SLC43A2: variants seen among roughly 807,000 people sequenced by gnomAD.
SLC43A2 encodes solute carrier family 43 member 2, also known as large neutral amino acids transporter small subunit 4.
In SLC43A2, 38 loss-of-function variants were observed where a neutral mutation model predicts 63.2. The observed-to-expected ratio is 0.60, with a 90% CI of 0.46 to 0.79. The LOEUF (loss-of-function observed/expected upper bound fraction) is 0.79. Ranked by LOEUF, SLC43A2 falls within the 30% of genes least tolerant of loss-of-function variation. The pLI, the probability that SLC43A2 is intolerant of heterozygous loss-of-function variation, is 0.00. For missense variants in SLC43A2, 644 were observed against 756.2 expected (o/e 0.85, Z 1.74); for synonymous variants, 322 against 331.0 (o/e 0.97, Z 0.30).
intron 2 of SLC43A2, among the ~76,000 whole-genome samples, chr17:1,623,076 A>G (rs1444215505): frequency 1.3e-5 from 2 of 152,236 alleles, no homozygotes; most frequent in African/African-American, 4.8e-5. Context: ...ACTGCACTCC[A>G]GCCTGGGCGA....
In SLC43A2 at chr17:1,595,450, GT is replaced by G. The variant is rs530702250; in HGVS notation, c.502-2172del. Among the ~76,000 whole-genome samples, 40 of 148,444 alleles carry G rather than the reference GT, an allele frequency of 2.7e-4. 2 individuals are homozygous for G. In the East Asian group the frequency reaches 4.7e-3, roughly 18 times the overall value. On this transcript the variant is annotated intron_variant, in intron 5 of 13. Coordinates refer to ENST00000301335, the MANE Select transcript of SLC43A2 (RefSeq NM_152346.3). ...CCACGCCACCATGCCCCAGCTAGTG[GT>G]TTTTTTTTTGGAGGCAGGGTATCGC...
chr17:1,600,152 A>ATATATATATAT (rs1216616243), intron 5 of SLC43A2, among the ~76,000 whole-genome samples: 2 of 60,280 alleles, frequency 3.3e-5, no homozygotes, highest in Admixed American at 3.3e-4. Flanking sequence ...ATATATATAT[A>ATATATATATAT]TTTTTTTTTT....
intron 6 of SLC43A2, among the ~76,000 whole-genome samples, chr17:1,592,899 G>C (rs1356740700): frequency 6.6e-6 from 1 of 152,168 alleles, no homozygotes; most frequent in African/African-American, 2.4e-5. Context: ...GGAGACGGGG[G>C]CAAGACTCAC....
rs145932889 is a variant in SLC43A2, at chr17:1,581,643, G to A, written c.1350+1561C>T. Among the ~76,000 whole-genome samples, 436 of 152,234 alleles carry A rather than the reference G, an allele frequency of 2.9e-3. 5 individuals carry two copies. Among genetic ancestry groups the A allele is most frequent in the South Asian group, 8.9e-3 (43 of 4,820 alleles). On this transcript the variant is annotated intron_variant, in intron 11 of 13. Coordinates refer to ENST00000301335, the MANE Select transcript of SLC43A2 (RefSeq NM_152346.3). The stretch of plus-strand genomic sequence containing the variant: ...CTCTGGAAGGAAAAGCCACACTTGC[G>A]TCCCTCCACCATTTGTAAATTTAGG...
intron 5 of SLC43A2, among the ~76,000 whole-genome samples, chr17:1,597,922 G>A (rs1905476171): frequency 2.0e-5 from 3 of 152,248 alleles, no homozygotes; most frequent in Admixed American, 2.0e-4. Context: ...TTACTCTCTG[G>A]GTACCTGCCT....
chr17:1,590,452 A>G (rs920867572), intron 9 of SLC43A2, among the ~76,000 whole-genome samples: 2 of 151,616 alleles, frequency 1.3e-5, no homozygotes. Flanking sequence ...TTTGGGCTTG[A>G]CCTGCTGTCT....
chr17:1,595,391 C>G (rs930767863), intron 5 of SLC43A2, among the ~76,000 whole-genome samples: 1 of 121,522 alleles, frequency 8.2e-6, no homozygotes, highest in African/African-American at 2.8e-5. Flanking sequence ...AGTGATCTTC[C>G]CCCCCCAGCT....
intron 5 of SLC43A2, among the ~76,000 whole-genome samples, chr17:1,600,152 A>ATATATATATATATATATTTTTTTTT (rs1216616243): frequency 1.7e-5 from 1 of 60,272 alleles, no homozygotes; most frequent in Non-Finnish European, 3.2e-5. Flanking sequence ...ATATATATAT[A>ATATATATATATATATATTTTTTTTT]TTTTTTTTTT....
At chr17:1,592,883 G>A (rs988774686) in intron 6 of SLC43A2, among the ~76,000 whole-genome samples, 1 of 152,186 alleles carries the variant, frequency 6.6e-6, no homozygotes, top group Non-Finnish European at 1.5e-5. Flanking sequence ...AGACCAGGAT[G>A]ACGGAGGAGA....
At chr17:1,602,049 G>T (rs1288978325) in intron 5 of SLC43A2, among the ~76,000 whole-genome samples, 1 of 152,066 alleles carries the variant, frequency 6.6e-6, no homozygotes, top group Non-Finnish European at 1.5e-5. Context: ...ATGCAAAGGC[G>T]CTATTGAGCC....
intron 9 of SLC43A2, among the ~76,000 whole-genome samples, chr17:1,588,420 G>C (rs968082154): frequency 6.6e-6 from 1 of 151,854 alleles, no homozygotes; most frequent in Non-Finnish European, 1.5e-5. Context: ...GCTGGGCATT[G>C]TGGCTCATGC....
Position 1,574,233 on chromosome 17 carries a change from T to C in SLC43A2, c.*1371A>G, listed in dbSNP as rs1394670412. On this transcript the variant is annotated 3_prime_UTR_variant, in exon 14 of 14. Transcript: ENST00000301335. Reference sequence around the variant, plus strand: ...TTTGTTTGGGGGTTGGGGAGGAAGGTCTTTTCCTGGCCCACTGTCCCTCCC... The same window carrying C: ...TTTGTTTGGGGGTTGGGGAGGAAGGCCTTTTCCTGGCCCACTGTCCCTCCC... 6.6e-6 allele frequency: 1 copy of C among 152,384 alleles called. No homozygotes were observed. The highest frequency in any genetic ancestry group is 1.9e-4 in the East Asian group (1 of 5,184). The allele number at this position is 152,384 out of a possible 1,614,324, so 9.4% of individuals were successfully genotyped here. A position where few individuals can be genotyped will look rare whatever the true frequency, so the allele number is the denominator to read the frequency against.
intron 3 of SLC43A2, among the ~76,000 whole-genome samples, chr17:1,615,687 C>A (rs1449522266): frequency 2.0e-5 from 3 of 148,986 alleles, no homozygotes; most frequent in Non-Finnish European, 4.5e-5. Flanking sequence ...ACTAAAAATA[C>A]AAAAAATTAG....
chr17:1,602,466 T>C (rs926112937), intron 5 of SLC43A2, among the ~76,000 whole-genome samples: 2 of 151,916 alleles, frequency 1.3e-5, no homozygotes, highest in Non-Finnish European at 2.9e-5. Flanking sequence ...GCCAACATAG[T>C]GAAACCTCGT....
chr17:1,595,430 C>G (rs1423043231), intron 5 of SLC43A2, among the ~76,000 whole-genome samples: 2 of 152,050 alleles, frequency 1.3e-5, no homozygotes, highest in Non-Finnish European at 2.9e-5. Context: ...CAGGCCCACG[C>G]CACCATGCCC....
rs755506524 is a variant in SLC43A2 at position 1,583,359 on chromosome 17, G to A, written c.1218-23C>T. On this transcript the variant is annotated intron_variant, in intron 10 of 13. Coordinates refer to ENST00000301335, the MANE Select transcript of SLC43A2 (RefSeq NM_152346.3). The surrounding 1 kb of genome is among the most constrained non-coding windows in gnomAD (Gnocchi z 5.5). ...CCTCTGTGGAGACACAGAACGTGCA[G>A]GGGTGGGAGGGCTCCCCGGAGGAAG... is the stretch of plus-strand genomic sequence containing the variant. 36 of 1,610,574 alleles carry A rather than the reference G, an allele frequency of 2.2e-5. No individual in the cohort carries two copies. Among genetic ancestry groups the A allele is most frequent in the Non-Finnish European group, 3.1e-5 (36 of 1,177,208 alleles).
chr17:1,614,531 G>GA (rs1907416578), intron 4 of SLC43A2, among the ~76,000 whole-genome samples: 2 of 152,192 alleles, frequency 1.3e-5, no homozygotes, highest in Non-Finnish European at 2.9e-5. Context: ...AGATTTTGGT[G>GA]AAACTCGAGT....
chr17:1,622,448 C>T (rs1908249099), intron 2 of SLC43A2, among the ~76,000 whole-genome samples: 1 of 152,074 alleles, frequency 6.6e-6, no homozygotes, highest in Non-Finnish European at 1.5e-5. Flanking sequence ...GCCTGCAGTC[C>T]CAGCTACTGG....
intron 2 of SLC43A2, among the ~76,000 whole-genome samples, chr17:1,621,262 AG>A (rs1473586135): frequency 6.6e-6 from 1 of 152,136 alleles, no homozygotes; most frequent in Admixed American, 6.5e-5. Flanking sequence ...GGGGAGACAA[AG>A]GGAGGGGGGC....
Sources: gnomAD v4.1 joint callset for allele counts (sites outside exome capture counted in the v4.1 genomes callset) on GRCh38, gnomAD v4.1.1 for gene constraint, Gnocchi (gnomAD v3.1) non-coding constraint, MANE v1.5 for transcripts, NCBI Gene and HGNC (gene_info 2026-07-23, HGNC 2026-07-21) for gene names.